Variants in AKR1C3 observed in about 807,000 individuals in gnomAD.
AKR1C3 encodes the protein 3-alpha hydroxysteroid dehydrogenase, type II.
Under a neutral mutation model 43.6 loss-of-function variants are expected in AKR1C3, and 48 were observed. The ratio of observed to expected loss-of-function variants is 1.10; its 90% CI spans 0.87 to 1.40. AKR1C3 has a LOEUF of 1.40. Among genes scored for constraint, AKR1C3 ranks in the 40% most tolerant of loss-of-function variants. AKR1C3 has a pLI of 0.00. For synonymous variants in AKR1C3, 162 were observed against 139.6 expected (o/e 1.16, Z -1.13); for missense variants, 482 against 391.2 (o/e 1.23, Z -1.96).
At chr10:5,061,083 G>A (rs1838373828) in intron 1 of AKR1C3, among the ~76,000 whole-genome samples, 1 of 152,164 alleles carries the variant, frequency 6.6e-6, no homozygotes, top group Admixed American at 6.5e-5. Context: ...CCCAGAAAGG[G>A]GCTCCCACAG....
chr10:5,097,028 C>T (rs544709418), intron 2 of AKR1C3, among the ~76,000 whole-genome samples: 4 of 152,144 alleles, frequency 2.6e-5, no homozygotes, highest in African/African-American at 9.6e-5. Flanking sequence ...TGAGCATGTT[C>T]AAAACTTGTT....
rs548602215 is a variant in AKR1C3, at chr10:5,053,979, G to A, written c.84+5084G>A. ...CAAGTAACAGTAAGATGGCTGCCAC[G>A]GGACCTAGAAAGGGGAGAAGCCATG... is the stretch of plus-strand genomic sequence containing the variant. On this transcript the variant is annotated intron_variant, in intron 1 of 8. Coordinates refer to the AKR1C3 transcript ENST00000439082. Among the ~76,000 whole-genome samples, 305 of 152,344 alleles carry A rather than the reference G, an allele frequency of 2.0e-3. 2 individuals are homozygous for A. The highest frequency in any genetic ancestry group is 6.3e-3 in the African/African-American group (263 of 41,570).
At chr10:5,073,928 A>C (rs1191276587) in intron 1 of AKR1C3, among the ~76,000 whole-genome samples, 1 of 152,126 alleles carries the variant, frequency 6.6e-6, no homozygotes, top group East Asian at 1.9e-4. Context: ...AAAATCACTA[A>C]GCTAAAGAAA....
chr10:5,099,592 T>G, intron 5 of AKR1C3, 143 bp downstream of exon 5: 3 of 1,427,716 alleles, frequency 2.1e-6, no homozygotes, highest in Non-Finnish European at 2.9e-6. Context: ...AAGAAAGGCG[T>G]GAAGATTTCT....
chr10:5,078,761 T>C (rs1554782085), intron 1 of AKR1C3, among the ~76,000 whole-genome samples: 1 of 152,218 alleles, frequency 6.6e-6, no homozygotes, highest in Non-Finnish European at 1.5e-5. Context: ...AATGCTGTTA[T>C]CTCTGCTTTG....
intron 1 of AKR1C3, among the ~76,000 whole-genome samples, chr10:5,073,576 G>A (rs938029195): frequency 6.6e-5 from 10 of 152,096 alleles, no homozygotes; most frequent in Admixed American, 2.6e-4. Flanking sequence ...ATGACTCAGC[G>A]AGCAGCTCCA....
intron 8 of AKR1C3, among the ~76,000 whole-genome samples, chr10:5,106,087 T>C (rs1554787165): frequency 6.6e-6 from 1 of 152,184 alleles, no homozygotes; most frequent in East Asian, 1.9e-4. Flanking sequence ...TCCATCAACT[T>C]TGTGGTCCAG....
In AKR1C3 at chr10:5,076,404, GTCTC is replaced by G. The variant is rs10612196; in HGVS notation, c.85-19991_85-19988del. On this transcript the variant is annotated intron_variant, in intron 1 of 8. Coordinates refer to the AKR1C3 transcript ENST00000439082. ...ATAAAAAGTTGAGTTTGTTCTCTCT[GTCTC>G]TCTCTCTCTCTCTCCACTCTAGAAT... is the stretch of plus-strand genomic sequence containing the variant. 3.9e-3 allele frequency among the ~76,000 whole-genome samples: 589 copies of G among 150,624 alleles called. 7 individuals are homozygous for G. The highest frequency in any genetic ancestry group is 0.014 in the African/African-American group (559 of 41,162).
chr10:5,097,331 A>C (rs1554785276), intron 2 of AKR1C3, 103 bp from the exon 3 acceptor site: 1 of 1,407,318 alleles, frequency 7.1e-7, no homozygotes, highest in Non-Finnish European at 9.7e-7. Flanking sequence ...AGTGGTCATA[A>C]ATTTTGAAGC....
In AKR1C3 at chr10:5,096,496, T is replaced by C. The variant is rs1198500838; in HGVS notation, c.171T>C (p.Asn57=). The change falls in exon 2 of 9, where the codon AAT becomes AAC. Residue 57 remains asparagine (N), a synonymous_variant. Transcript: ENST00000380554. The part of the protein sequence containing the change: ...RHIDSAHLYN[N]EEQVGLAIRS... ...TAGATTCTGCTCATTTATACAATAA[T>C]GAGGAGCAGGTTGGACTGGCCATCC... is the stretch of plus-strand genomic sequence containing the variant. 6.2e-7 allele frequency: 1 copy of C among 1,613,862 alleles called. No individual in the cohort carries two copies. The highest frequency in any genetic ancestry group is 1.3e-5 in the African/African-American group (1 of 75,002).
intron 1 of AKR1C3, among the ~76,000 whole-genome samples, chr10:5,060,895 C>T (rs1365513549): frequency 6.6e-6 from 1 of 152,218 alleles, no homozygotes; most frequent in Admixed American, 6.5e-5. Context: ...GGTGCTAAGT[C>T]CCTCACTGCC....
upstream of AKR1C3, among the ~76,000 whole-genome samples, chr10:5,091,746 A>G (rs535498672): frequency 1.3e-4 from 20 of 152,250 alleles, no homozygotes; most frequent in South Asian, 3.9e-3. Flanking sequence ...ATGAATTACA[A>G]ATTTATACAT....
chr10:5,097,490 G>T lies in AKR1C3; in HGVS notation c.309G>T (p.Leu103=), dbSNP rs781961155. The change falls in exon 3 of 9, where the codon CTG becomes CTT. Residue 103 remains leucine (L), a synonymous_variant. Transcript: ENST00000380554. ...TCCGACCAGCCTTGGAAAACTCACT[G>T]AAGAAAGCTCAATTGGACTATGTTG... ...ELVRPALENS[L]KKAQLDYVDL... is the part of the protein sequence containing the mutation. The T allele has an allele frequency of 1.9e-6, 3 of 1,613,806 alleles. No individual in the cohort carries two copies. The East Asian group carries it at 6.7e-5, about 36-fold the overall frequency.
intron 7 of AKR1C3, among the ~76,000 whole-genome samples, chr10:5,104,154 T>C (rs781948217): frequency 6.6e-6 from 1 of 152,194 alleles, no homozygotes; most frequent in Non-Finnish European, 1.5e-5. Context: ...TTTCCTGTGG[T>C]TGATGAGTGG....
chr10:5,078,728 A>C (rs1838770450), intron 1 of AKR1C3, among the ~76,000 whole-genome samples: 1 of 152,208 alleles, frequency 6.6e-6, no homozygotes, highest in Admixed American at 6.5e-5. Flanking sequence ...GGGCCCAGAG[A>C]GATTAAGAGC....
At chr10:5,084,877 T>A (rs1838926469) in intron 1 of AKR1C3, among the ~76,000 whole-genome samples, 1 of 152,176 alleles carries the variant, frequency 6.6e-6, no homozygotes, top group African/African-American at 2.4e-5. Flanking sequence ...GGCTCTCTGT[T>A]TGTCTTTTAT....
chr10:5,102,080 C>T (rs782061194), intron 5 of AKR1C3, 21 bp from the exon 6 acceptor site: 1 of 1,440,502 alleles, frequency 6.9e-7, no homozygotes, highest in Non-Finnish European at 9.7e-7. Flanking sequence ...ATTGATGCTT[C>T]TCTCTTTTGG....
intron 1 of AKR1C3, among the ~76,000 whole-genome samples, chr10:5,074,128 C>G (rs1892403): frequency 0.71 from 107,240 of 151,994 alleles, 38,591 homozygotes; most frequent in East Asian, 0.86. Flanking sequence ...TCAAGTTGTC[C>G]CACCTTTCCG....
At chr10:5,094,618 A>C in intron 1 of AKR1C3, 90 bp downstream of exon 1, 1 of 1,424,008 alleles carries the variant, frequency 7.0e-7, no homozygotes, top group Non-Finnish European at 9.8e-7. Flanking sequence ...TCGTGTTCCT[A>C]CCTTACTCTG....
Sources: gnomAD v4.1 joint callset for allele counts (sites outside exome capture counted in the v4.1 genomes callset) on GRCh38, gnomAD v4.1.1 for gene constraint, MANE v1.5 for transcripts, NCBI Gene and HGNC (gene_info 2026-07-23, HGNC 2026-07-21) for gene names.